The following CPQ variants were observed in gnomAD, a reference collection of about 807,000 sequenced individuals.
CPQ encodes the protein Ser-Met dipeptidase.
A neutral mutation model predicts 45.7 loss-of-function variants in CPQ; 37 were observed. The observed-to-expected ratio is 0.81, with a 90% CI of 0.62 to 1.07. The LOEUF (loss-of-function observed/expected upper bound fraction) is 1.07. Among genes scored for constraint, CPQ ranks in the 50% least tolerant of loss-of-function variants. The pLI is 0.00. For missense variants in CPQ, 537 were observed against 572.9 expected (o/e 0.94, Z 0.64); for synonymous variants, 186 against 205.8 (o/e 0.90, Z 0.82).
At position 97,094,127 on chromosome 8, in the gene CPQ, T is replaced by C. The variant is rs186630451; in HGVS notation, c.1255+27917T>C. 7.2e-5 allele frequency among the ~76,000 whole-genome samples: 11 copies of C among 152,304 alleles called. No individual in the cohort carries two copies. The East Asian group carries it at 2.1e-3, about 29-fold the overall frequency. On this transcript the variant is annotated intron_variant, in intron 7 of 7. Transcript: ENST00000220763. ...TTCTGAGAAGAACAAAACTCTTTTC[T>C]GACAACTCTTATAAAACACTTTTGT...
At chr8:96,647,026 C>T (rs1203297733) in intron 1 of CPQ, among the ~76,000 whole-genome samples, 1 of 152,154 alleles carries the variant, frequency 6.6e-6, no homozygotes, top group Non-Finnish European at 1.5e-5. Flanking sequence ...CTGACAATGC[C>T]ATATATTCCC....
chr8:96,753,339 A>T (rs1416997636), intron 1 of CPQ, among the ~76,000 whole-genome samples: 1 of 152,124 alleles, frequency 6.6e-6, no homozygotes, highest in African/African-American at 2.4e-5. Context: ...GTTTGGGTAC[A>T]TTTCCACTGA....
intron 7 of CPQ, among the ~76,000 whole-genome samples, chr8:97,138,372 A>G (rs1386464277): frequency 1.3e-5 from 2 of 152,150 alleles, no homozygotes; most frequent in African/African-American, 2.4e-5. Context: ...ACTCTGGTAC[A>G]AAGTTGTAAG....
intron 1 of CPQ, among the ~76,000 whole-genome samples, chr8:96,740,059 G>A (rs1810060910): frequency 6.6e-6 from 1 of 151,948 alleles, no homozygotes. Context: ...GGGCAGTATG[G>A]CCATTTTCAT....
chr8:96,909,296 G>A (rs947074648), intron 4 of CPQ, among the ~76,000 whole-genome samples: 1 of 151,634 alleles, frequency 6.6e-6, no homozygotes, highest in Admixed American at 6.6e-5. Context: ...CATGCTAAGC[G>A]TTACCATCTG....
chr8:96,666,401 G>C (rs1310994788), intron 1 of CPQ, among the ~76,000 whole-genome samples: 1 of 152,164 alleles, frequency 6.6e-6, no homozygotes, highest in Admixed American at 6.5e-5. Context: ...GAAAATAAGA[G>C]AATATAGTTA....
chr8:97,131,823 T>C (rs1811963577), intron 7 of CPQ, among the ~76,000 whole-genome samples: 1 of 152,228 alleles, frequency 6.6e-6, no homozygotes, highest in African/African-American at 2.4e-5. Flanking sequence ...GGAAGGACCC[T>C]TATAGGTTCC....
intron 7 of CPQ, among the ~76,000 whole-genome samples, chr8:97,099,550 G>A (rs1271254520): frequency 7.0e-6 from 1 of 142,962 alleles, no homozygotes; most frequent in South Asian, 2.2e-4. Flanking sequence ...AGATATGTGT[G>A]TTTTTTTTTT....
At chr8:96,961,957 C>G (rs1315057575) in intron 4 of CPQ, among the ~76,000 whole-genome samples, 1 of 152,132 alleles carries the variant, frequency 6.6e-6, no homozygotes, top group Non-Finnish European at 1.5e-5. Context: ...GACTCAGTGT[C>G]TTCATATGCA....
intron 3 of CPQ, among the ~76,000 whole-genome samples, chr8:96,863,962 C>T (rs577543308): frequency 6.6e-6 from 1 of 152,152 alleles, no homozygotes; most frequent in African/African-American, 2.4e-5. Flanking sequence ...TTAGATCTGA[C>T]ATATTTTAAT....
chr8:96,965,959 G>T lies in CPQ; in HGVS notation c.874G>T (p.Asp292Tyr), dbSNP rs761579510. 1 of 1,613,658 alleles carries T rather than the reference G, an allele frequency of 6.2e-7. No homozygotes were observed. The highest frequency in any genetic ancestry group is 1.7e-5 in the Admixed American group (1 of 59,886). The change falls in exon 5 of 8, where the codon GAC becomes TAC. Residue 292 changes from aspartate to tyrosine, a missense_variant. By Grantham distance (160) the Asp-to-Tyr change is radical (BLOSUM62 -3). Coordinates refer to ENST00000220763, the MANE Select transcript of CPQ (RefSeq NM_016134.4). ...EQVVLVSGHL[D>Y]SWDVGQGAMD... is the part of the protein sequence containing the mutation. ...GGTTGTACTGGTCAGTGGACATCTG[G>T]ACAGCTGGGATGTTGGGCAGGGTGC...
chr8:96,890,861 C>T (rs1445904715), intron 4 of CPQ, among the ~76,000 whole-genome samples: 1 of 152,144 alleles, frequency 6.6e-6, no homozygotes, highest in African/African-American at 2.4e-5. Flanking sequence ...GTGAGTGATG[C>T]CACTTCCATT....
At chr8:96,673,622 A>G (rs1809035196) in intron 1 of CPQ, among the ~76,000 whole-genome samples, 2 of 152,118 alleles carry the variant, frequency 1.3e-5, no homozygotes, top group Admixed American at 6.6e-5. Context: ...GTCAGTGTGA[A>G]TTGGCCTTAG....
intron 5 of CPQ, among the ~76,000 whole-genome samples, chr8:97,001,646 T>C (rs888395095): frequency 6.6e-6 from 1 of 151,952 alleles, no homozygotes. Context: ...TTCAGTTTGA[T>C]AGTCTTTTGT....
At chr8:96,965,528 C>T (rs1813541045) in intron 4 of CPQ, among the ~76,000 whole-genome samples, 1 of 151,984 alleles carries the variant, frequency 6.6e-6, no homozygotes, top group Admixed American at 6.6e-5. Context: ...TGCCACCACA[C>T]CCAGCTAATT....
chr8:96,839,208 A>G (rs992531506), intron 3 of CPQ, among the ~76,000 whole-genome samples: 2 of 152,102 alleles, frequency 1.3e-5, no homozygotes, highest in African/African-American at 4.8e-5. Flanking sequence ...GTAATCATCA[A>G]TATCATCAGC....
chr8:96,901,289 G>A (rs981340283), intron 4 of CPQ, among the ~76,000 whole-genome samples: 3 of 152,160 alleles, frequency 2.0e-5, no homozygotes, highest in African/African-American at 7.2e-5. Flanking sequence ...TTGTTGGGCT[G>A]CATTGCAACT....
intron 6 of CPQ, among the ~76,000 whole-genome samples, chr8:97,041,909 G>T (rs1314685326): frequency 6.6e-6 from 1 of 152,160 alleles, no homozygotes; most frequent in South Asian, 2.1e-4. Context: ...GAGGATTTTT[G>T]CATCAATGTT....
At chr8:97,029,814 C>T (rs983607255) in intron 6 of CPQ, among the ~76,000 whole-genome samples, 49 of 152,136 alleles carry the variant, frequency 3.2e-4, no homozygotes, top group African/African-American at 1.2e-3. Context: ...TATAGGCAAA[C>T]ATTCCCTCTC....
Sources: allele counts gnomAD v4.1 joint callset (sites outside exome capture counted in the v4.1 genomes callset), GRCh38; gene constraint gnomAD v4.1.1; transcripts MANE v1.5; gene names NCBI Gene and HGNC (gene_info 2026-07-23, HGNC 2026-07-21).